DNAJC1: variants seen among roughly 807,000 people sequenced by gnomAD.
The protein encoded by DNAJC1 is DnaJ heat shock protein family (Hsp40) member C1, also known as dnaJ homolog subfamily C member 1.
A neutral mutation model predicts 76.6 loss-of-function variants in DNAJC1; 58 were observed. That is an observed-to-expected ratio of 0.76 (90% CI 0.61 to 0.94). The LOEUF is 0.94. Among genes scored for constraint, DNAJC1 ranks in the 40% least tolerant of loss-of-function variants. The pLI, the probability that DNAJC1 is intolerant of heterozygous loss-of-function variation, is 0.00. For missense variants in DNAJC1, 689 were observed against 677.3 expected (o/e 1.02, Z -0.19); for synonymous variants, 258 against 267.9 (o/e 0.96, Z 0.36).
chr10:21,954,261 A>C (rs1837646226), intron 1 of DNAJC1, among the ~76,000 whole-genome samples: 1 of 152,188 alleles, frequency 6.6e-6, no homozygotes, highest in Non-Finnish European at 1.5e-5. Flanking sequence ...CTTGCCTCTA[A>C]AAATAACCTA....
chr10:21,798,632 C>T (rs1322037406), intron 9 of DNAJC1, among the ~76,000 whole-genome samples: 2 of 152,202 alleles, frequency 1.3e-5, no homozygotes, highest in Non-Finnish European at 2.9e-5. Flanking sequence ...TACTACCTCT[C>T]CGAGAACACT....
At chr10:21,818,259 A>G (rs187740074) in intron 8 of DNAJC1, among the ~76,000 whole-genome samples, 1 of 152,270 alleles carries the variant, frequency 6.6e-6, no homozygotes, top group African/African-American at 2.4e-5. Context: ...TAGGGATGAA[A>G]TAAGCCCCAG....
chr10:21,819,348 C>T (rs1462267957), intron 8 of DNAJC1, among the ~76,000 whole-genome samples: 2 of 152,008 alleles, frequency 1.3e-5, no homozygotes, highest in African/African-American at 4.8e-5. Flanking sequence ...TTGCAGTGAG[C>T]CGAGATCACG....
chr10:21,814,592 C>T (rs760000598), intron 8 of DNAJC1, among the ~76,000 whole-genome samples: 3 of 152,172 alleles, frequency 2.0e-5, no homozygotes, highest in Admixed American at 6.6e-5. Flanking sequence ...TACAGTACAA[C>T]CTCTTCTGTA....
At chr10:21,849,869 C>T (rs1835724793) in intron 8 of DNAJC1, among the ~76,000 whole-genome samples, 1 of 151,972 alleles carries the variant, frequency 6.6e-6, no homozygotes, top group Non-Finnish European at 1.5e-5. Context: ...AAAAAAACCA[C>T]ACATGATCAT....
intron 1 of DNAJC1, among the ~76,000 whole-genome samples, chr10:21,991,336 T>C (rs1284410059): frequency 1.3e-4 from 20 of 152,234 alleles, no homozygotes; most frequent in African/African-American, 4.8e-4. Flanking sequence ...CAAAAGTAAA[T>C]GACCAACTTT....
rs759465694 is a variant in DNAJC1 at position 21,759,216 on chromosome 10, G to C, written c.1550C>G (p.Ser517Cys). ...LALQQYPRGS[S>C]DRWDKIARCV... ...TCTGGCTATTTTGTCCCAGCGGTCA[G>C]AGGATCCCCTTGGGTACTGCTGCAA... Residue 517 changes from serine to cysteine, a missense_variant, in exon 11 of 12, where the codon TCT becomes TGT. Physicochemically the swap from Ser to Cys is moderately radical, Grantham distance 112. Transcript: ENST00000376980. 1.2e-6 allele frequency: 2 copies of C among 1,614,206 alleles called. No individual in the cohort carries two copies. Among genetic ancestry groups the C allele is most frequent in the Admixed American group, 3.3e-5 (2 of 60,024 alleles).
At chr10:21,809,495 C>A (rs776056688) in intron 8 of DNAJC1, among the ~76,000 whole-genome samples, 3 of 151,130 alleles carry the variant, frequency 2.0e-5, no homozygotes, top group Non-Finnish European at 2.9e-5. Context: ...ATTCTTACAT[C>A]GCATTGCCCA....
chr10:21,999,445 T>C (rs1838477690), intron 1 of DNAJC1, among the ~76,000 whole-genome samples: 1 of 146,290 alleles, frequency 6.8e-6, no homozygotes, highest in Admixed American at 7.2e-5. Context: ...CTCCATCTTC[T>C]TGACTCTTTT....
intron 9 of DNAJC1, among the ~76,000 whole-genome samples, chr10:21,782,778 T>A (rs1481257924): frequency 1.3e-5 from 2 of 152,144 alleles, no homozygotes; most frequent in African/African-American, 4.8e-5. Flanking sequence ...ATCCATCATA[T>A]AAACAGAACC....
chr10:21,915,986 A>AAAATT (rs1340481839), intron 6 of DNAJC1, among the ~76,000 whole-genome samples: 9 of 152,018 alleles, frequency 5.9e-5, no homozygotes, highest in African/African-American at 9.7e-5. Flanking sequence ...CTAAAAAATA[A>AAAATT]AAATTAAATT....
At position 21,912,584 on chromosome 10, in the gene DNAJC1, T is replaced by C. The variant is rs528574401; in HGVS notation, c.729+6195A>G. On this transcript the variant is annotated intron_variant, in intron 6 of 11. Coordinates refer to ENST00000376980, the MANE Select transcript of DNAJC1 (RefSeq NM_022365.4). ...AGATGAACTTCTCCATCTATTTTCA[T>C]TTGTTTATGTATTTCCTGTGTCAGG... Among the ~76,000 whole-genome samples, 8 of 152,220 alleles carry C rather than the reference T, an allele frequency of 5.3e-5. No individual in the cohort carries two copies. In the South Asian group the frequency reaches 1.7e-3, roughly 32 times the overall value.
chr10:21,857,617 T>C (rs1372572209), intron 8 of DNAJC1, among the ~76,000 whole-genome samples: 1 of 152,084 alleles, frequency 6.6e-6, no homozygotes, highest in Non-Finnish European at 1.5e-5. Context: ...TAGGGAATAT[T>C]AGGGGATGTG....
intron 1 of DNAJC1, among the ~76,000 whole-genome samples, chr10:21,948,270 G>A (rs927330734): frequency 1.3e-5 from 2 of 151,882 alleles, no homozygotes; most frequent in East Asian, 3.9e-4. Flanking sequence ...TTGCAGTCTT[G>A]AATGTTAAAG....
chr10:21,825,370 C>CT (rs113125424), intron 8 of DNAJC1, among the ~76,000 whole-genome samples: 1 of 152,064 alleles, frequency 6.6e-6, no homozygotes, highest in Admixed American at 6.6e-5. Context: ...ATCTACCAGT[C>CT]TTTTTTTTAA....
intron 1 of DNAJC1, among the ~76,000 whole-genome samples, chr10:21,962,555 C>T (rs1837814309): frequency 6.8e-6 from 1 of 148,046 alleles, no homozygotes. Flanking sequence ...GCAGCCCTGA[C>T]CTCCTGGGCT....
chr10:21,777,372 CT>C (rs1395152243), intron 9 of DNAJC1, among the ~76,000 whole-genome samples: 1 of 152,118 alleles, frequency 6.6e-6, no homozygotes, highest in African/African-American at 2.4e-5. Flanking sequence ...TATACTTTGC[CT>C]TAATGAATCA....
intron 1 of DNAJC1, among the ~76,000 whole-genome samples, chr10:21,968,106 G>A (rs1837920474): frequency 6.6e-6 from 1 of 152,080 alleles, no homozygotes; most frequent in African/African-American, 2.4e-5. Flanking sequence ...ACATTTTCCA[G>A]GATTTTCACT....
At chr10:21,962,459 C>CTTTTT (rs34817098) in intron 1 of DNAJC1, among the ~76,000 whole-genome samples, 10 of 39,892 alleles carry the variant, frequency 2.5e-4, no homozygotes, top group Non-Finnish European at 4.0e-4. Context: ...TATTTTATTG[C>CTTTTT]TTTTTTTTTT....
Sources: allele counts gnomAD v4.1 joint callset (sites outside exome capture counted in the v4.1 genomes callset), GRCh38; gene constraint gnomAD v4.1.1; transcripts MANE v1.5; gene names NCBI Gene and HGNC (gene_info 2026-07-23, HGNC 2026-07-21).